The following LAD1 variants were observed in gnomAD, a reference collection of about 807,000 sequenced individuals.
The protein encoded by LAD1 is ladinin-1.
A neutral mutation model predicts 54.2 loss-of-function variants in LAD1; 53 were observed. The ratio of observed to expected loss-of-function variants is 0.98; its 90% CI spans 0.78 to 1.23. LAD1 has a LOEUF of 1.23. LAD1 is among the 50% of genes most tolerant of loss of function. LAD1 has a pLI of 0.00. For synonymous variants in LAD1, 231 were observed against 257.7 expected, an observed-to-expected ratio of 0.90 and a Z score of 0.99; for missense variants, 637 against 653.3, an observed-to-expected ratio of 0.98 and a Z score of 0.27.
intron 5 of LAD1, among the ~76,000 whole-genome samples, chr1:201,384,427 C>T (rs989946387): frequency 6.6e-6 from 1 of 152,188 alleles, no homozygotes; most frequent in East Asian, 1.9e-4. Context: ...CACAGCCCCC[C>T]AACCAGGCCT....
chr1:201,382,151 G>T, intron 9 of LAD1, 101 bp downstream of exon 9: 1 of 1,036,328 alleles, frequency 9.6e-7, no homozygotes, highest in Non-Finnish European at 1.5e-6. Flanking sequence ...GGTGGACTGC[G>T]CGATTGCAGG....
chr1:201,395,104 C>T (rs1662265990), intron 1 of LAD1, among the ~76,000 whole-genome samples: 1 of 152,170 alleles, frequency 6.6e-6, no homozygotes, highest in Non-Finnish European at 1.5e-5. Context: ...GGTGATGTGG[C>T]CACCGCCCCT....
Position 201,386,631 on chromosome 1 carries a change from C to A in LAD1, c.730G>T (p.Ala244Ser). The A allele has an allele frequency of 6.2e-7, 1 of 1,614,156 alleles. No homozygotes were observed. Among genetic ancestry groups the A allele is most frequent in the Non-Finnish European group, 8.5e-7 (1 of 1,180,010 alleles). The change falls in exon 3 of 10, where the codon GCC becomes TCC. Residue 244 changes from alanine to serine, a missense_variant. By Grantham distance (99) the Ala-to-Ser change is moderately conservative (BLOSUM62 1). Transcript: ENST00000391967. ...CCTGAGCCCAGTGCCATCCCTGGGG[C>A]CAGCGACTTCTCAGAGACACTGGTT... The part of the protein sequence containing the change: ...EKTSVSEKSL[A>S]PGMALGSGRR...
At chr1:201,395,096 T>G (rs1662265933) in intron 1 of LAD1, among the ~76,000 whole-genome samples, 1 of 152,164 alleles carries the variant, frequency 6.6e-6, no homozygotes, top group Non-Finnish European at 1.5e-5. Context: ...TCACCCAAGG[T>G]GATGTGGCCA....
rs984804450 is a variant in LAD1 at position 201,396,636 on chromosome 1, C to A, written c.38+2633G>T. Among the ~76,000 whole-genome samples, 4 of 129,806 alleles carry A rather than the reference C, an allele frequency of 3.1e-5. No individual in the cohort carries two copies. The South Asian group carries it at 8.9e-4, about 29-fold the overall frequency. 85.2% of individuals were successfully genotyped at this position (129,806 alleles called of 152,430 possible). A position where few individuals can be genotyped will look rare whatever the true frequency, so the allele number is the denominator to read the frequency against. On this transcript the variant is annotated intron_variant, in intron 1 of 9. Coordinates refer to ENST00000391967, the MANE Select transcript of LAD1 (RefSeq NM_005558.4). ...GCTGCCCCAGATGCATTTTGTGGAA[C>A]CCTGGGGCTCAAGGAGCATAATTTG...
intron 9 of LAD1, 36 bp from the exon 10 acceptor site, chr1:201,381,929 G>A (rs374582610): frequency 5.6e-6 from 9 of 1,610,038 alleles, no homozygotes; most frequent in African/African-American, 1.3e-5. Context: ...AAGTCAATGG[G>A]GTGTCAGGGA....
intron 7 of LAD1, 74 bp from the exon 8 acceptor site, chr1:201,382,813 G>T: frequency 8.5e-7 from 1 of 1,182,270 alleles, no homozygotes; most frequent in Non-Finnish European, 1.2e-6. Context: ...GCCCTGGAAT[G>T]GGATAGGACT....
intron 1 of LAD1, among the ~76,000 whole-genome samples, chr1:201,390,430 G>A (rs918370128): frequency 8.6e-5 from 13 of 151,736 alleles, no homozygotes; most frequent in African/African-American, 3.1e-4. Context: ...CCAGCTACTC[G>A]GGAGGCTGAG....
At chr1:201,385,834 A>G (rs1314513774) in intron 3 of LAD1, 29 bp from the exon 4 acceptor site, 1 of 1,539,142 alleles carries the variant, frequency 6.5e-7, no homozygotes, top group South Asian at 1.1e-5. Context: ...GTGTCACATA[A>G]GAGGTCTAGG....
chr1:201,385,637 T>C, intron 4 of LAD1, 64 bp downstream of exon 4: 7 of 1,192,946 alleles, frequency 5.9e-6, no homozygotes, highest in Non-Finnish European at 8.8e-6. Context: ...TATGTTGTAA[T>C]GGATGCGGGC....
At chr1:201,387,648 G>T (rs1355655796) in intron 2 of LAD1, among the ~76,000 whole-genome samples, 1 of 152,162 alleles carries the variant, frequency 6.6e-6, no homozygotes, top group East Asian at 1.9e-4. Flanking sequence ...CAGTCTTGTG[G>T]GTGCAGCCAA....
At position 201,384,809 on chromosome 1, in the gene LAD1, T is replaced by A; in HGVS notation, c.1158A>T (p.Glu386Asp). ...CCCCCCACCTGCGAGTTAGGGTTGT[T>A]TCCGAGTTTTCTTTCTTGGGTTTCA... Reference protein sequence around the residue: ...FRMKPKKENSETTLTRSASMK... With the variant: ...FRMKPKKENSDTTLTRSASMK... Residue 386 changes from glutamate (E) to aspartate (D), a missense_variant, in exon 5 of 10, where the codon GAA becomes GAT. Glu to Asp is a conservative substitution (Grantham distance 45). Transcript: ENST00000391967. 6.2e-7 allele frequency: 1 copy of A among 1,614,088 alleles called. No homozygotes were observed. The highest frequency in any genetic ancestry group is 8.5e-7 in the Non-Finnish European group (1 of 1,180,022).
At chr1:201,397,715 A>G (rs1662321916) in intron 1 of LAD1, among the ~76,000 whole-genome samples, 1 of 152,138 alleles carries the variant, frequency 6.6e-6, no homozygotes, top group Non-Finnish European at 1.5e-5. Context: ...ACATATGCAG[A>G]CTGACAAACT....
In LAD1 at chr1:201,389,305, TG is replaced by T; in HGVS notation, c.39-3del. Reference sequence around the variant, plus strand: ...TCCAGAGTCCTCTGCCGGGCAAGGCTGGGGGAGGGGAGGAGAGGGTCAGCAC... The same window carrying T: ...TCCAGAGTCCTCTGCCGGGCAAGGCTGGGGAGGGGAGGAGAGGGTCAGCAC... On this transcript the variant is annotated splice_region_variant and splice_polypyrimidine_tract_variant and intron_variant, in intron 1 of 9. Coordinates refer to ENST00000391967, the MANE Select transcript of LAD1 (RefSeq NM_005558.4). 6.2e-7 allele frequency: 1 copy of T among 1,610,982 alleles called. No individual in the cohort carries two copies.
At position 201,388,681 on chromosome 1, in the gene LAD1, C is replaced by CAA. The variant is rs35111170; in HGVS notation, c.182+477_182+478dup. Among the ~76,000 whole-genome samples the CAA allele has an allele frequency of 7.8e-3, 839 of 107,668 alleles. 5 individuals carry two copies. Among genetic ancestry groups the CAA allele is most frequent in the African/African-American group, 0.022 (617 of 27,464 alleles). The allele number at this position is 107,668 out of a possible 152,430, so 70.6% of individuals were successfully genotyped here. ...CTAGCGACACAGCGAGACTTCGTCT[C>CAA]AAAAAAAAAAAAAAAAAGAAGTAAA... On this transcript the variant is annotated intron_variant, in intron 2 of 9. Transcript: ENST00000391967.
At chr1:201,397,847 C>T (rs1376496916) in intron 1 of LAD1, among the ~76,000 whole-genome samples, 1 of 152,126 alleles carries the variant, frequency 6.6e-6, no homozygotes, top group Non-Finnish European at 1.5e-5. Flanking sequence ...CATTCATAGG[C>T]ACAGGTAGGC....
rs547904262 is a variant in LAD1 at position 201,382,720 on chromosome 1, C to G, written c.1406G>C (p.Gly469Ala). Residue 469 changes from glycine to alanine, a missense_variant, in exon 8 of 10, where the codon GGG becomes GCG. Physicochemically the swap from Gly to Ala is moderately conservative, Grantham distance 60 (BLOSUM62 0). Transcript: ENST00000391967. ...SSRKENLRLS[G>A]VVTSRLNLWI... ...CAGGTTGAGCCTTGATGTCACAACC[C>G]CTGAGAGCCTCAAGTTCTCCTAAAA... 1 of 1,605,856 alleles carries G rather than the reference C, an allele frequency of 6.2e-7. No individual in the cohort carries two copies. Among genetic ancestry groups the G allele is most frequent in the South Asian group, 1.1e-5 (1 of 89,022 alleles).
chr1:201,383,448 GC>G, intron 5 of LAD1, 59 bp from the exon 6 acceptor site: 1 of 1,490,294 alleles, frequency 6.7e-7, no homozygotes, highest in South Asian at 1.1e-5. Flanking sequence ...GACCAGGCCT[GC>G]CCCCAGGGCC....
intron 4 of LAD1, 140 bp downstream of exon 4, chr1:201,385,561 G>A (rs942092119): frequency 5.5e-6 from 4 of 728,438 alleles, no homozygotes; most frequent in Non-Finnish European, 1.0e-5. Context: ...TGTTTGTTCA[G>A]GGCCACCCAT....
Sources: gnomAD v4.1 joint callset for allele counts (sites outside exome capture counted in the v4.1 genomes callset) on GRCh38, gnomAD v4.1.1 for gene constraint, MANE v1.5 for transcripts, NCBI Gene and HGNC (gene_info 2026-07-23, HGNC 2026-07-21) for gene names.